DNER: variants seen among roughly 807,000 people sequenced by gnomAD.
The protein encoded by DNER is delta/notch like EGF repeat containing.
Under a neutral mutation model 78.2 loss-of-function variants are expected in DNER, and 33 were observed. That is an observed-to-expected ratio of 0.42 (90% CI 0.32 to 0.56). DNER has a LOEUF of 0.56. DNER is among the 20% of genes least tolerant of loss of function. The pLI, the probability that DNER is intolerant of heterozygous loss-of-function variation, is 0.11. For missense variants in DNER, 918 were observed against 975.3 expected (o/e 0.94, Z 0.78); for synonymous variants, 417 against 384.8 (o/e 1.08, Z -0.98).
chr2:229,510,256 G>A (rs1245555226), intron 6 of DNER, among the ~76,000 whole-genome samples: 1 of 152,236 alleles, frequency 6.6e-6, no homozygotes, highest in Non-Finnish European at 1.5e-5. Flanking sequence ...TGTTCAAAGA[G>A]CAATGTGAAG....
chr2:229,505,295 G>T (rs1484922497), intron 6 of DNER, among the ~76,000 whole-genome samples: 5 of 151,930 alleles, frequency 3.3e-5, no homozygotes, highest in African/African-American at 9.7e-5. Flanking sequence ...GGGGGTTCCT[G>T]CAGGGAATCG....
Position 229,366,313 on chromosome 2 carries a change from G to A in DNER, c.2102+560C>T, listed in dbSNP as rs148394083. Among the ~76,000 whole-genome samples, 387 of 152,276 alleles carry A rather than the reference G, an allele frequency of 2.5e-3. 1 individual carries two copies. Among genetic ancestry groups the A allele is most frequent in the Middle Eastern group, 6.8e-3 (2 of 294 alleles). Reference sequence around the variant, plus strand: ...AGTTAAAAGATCCGTCTAAACTACCGAGTCAGGTAACGGAGTCATTAAGAC... The same window carrying A: ...AGTTAAAAGATCCGTCTAAACTACCAAGTCAGGTAACGGAGTCATTAAGAC... On this transcript the variant is annotated intron_variant, in intron 12 of 12. Coordinates refer to ENST00000341772, the MANE Select transcript of DNER (RefSeq NM_139072.4).
intron 10 of DNER, among the ~76,000 whole-genome samples, chr2:229,391,922 A>G (rs1693024682): frequency 6.6e-6 from 1 of 152,156 alleles, no homozygotes; most frequent in African/African-American, 2.4e-5. Flanking sequence ...ACTTATGTAG[A>G]TTTACAAGCA....
intron 6 of DNER, among the ~76,000 whole-genome samples, chr2:229,491,900 A>G (rs1695407531): frequency 6.6e-6 from 1 of 151,914 alleles, no homozygotes; most frequent in Non-Finnish European, 1.5e-5. Context: ...CCATAACCTT[A>G]AGTATTCTCT....
intron 3 of DNER, 81 bp from the exon 4 acceptor site, chr2:229,586,105 T>C (rs1697490552): frequency 1.8e-5 from 26 of 1,469,692 alleles, no homozygotes; most frequent in Non-Finnish European, 2.4e-5. Flanking sequence ...TAAAAATAAA[T>C]ACAAAGATGG....
chr2:229,676,061 A>G (rs1401394817), intron 1 of DNER, among the ~76,000 whole-genome samples: 1 of 152,138 alleles, frequency 6.6e-6, no homozygotes, highest in Non-Finnish European at 1.5e-5. Context: ...ATCCTGTTAC[A>G]CTGTTCCAAG....
At chr2:229,475,622 C>A (rs943163904) in intron 7 of DNER, among the ~76,000 whole-genome samples, 1 of 152,152 alleles carries the variant, frequency 6.6e-6, no homozygotes, top group Non-Finnish European at 1.5e-5. Context: ...AAGTGCTCAG[C>A]AAATCATTAA....
At chr2:229,689,937 A>G (rs1699540499) in intron 1 of DNER, among the ~76,000 whole-genome samples, 1 of 152,214 alleles carries the variant, frequency 6.6e-6, no homozygotes, top group Non-Finnish European at 1.5e-5. Context: ...ACCACTCCAA[A>G]GTTCATTCTT....
chr2:229,615,688 G>A (rs1698145295), intron 1 of DNER, among the ~76,000 whole-genome samples: 1 of 152,072 alleles, frequency 6.6e-6, no homozygotes, highest in Non-Finnish European at 1.5e-5. Context: ...CTCTAGCCTG[G>A]GCAACAAAGC....
At chr2:229,362,214 ATCATC>A (rs1297009090) in intron 12 of DNER, among the ~76,000 whole-genome samples, 6 of 152,136 alleles carry the variant, frequency 3.9e-5, no homozygotes, top group African/African-American at 1.4e-4. Context: ...TCACTGATTG[ATCATC>A]TCATCTCATC....
intron 1 of DNER, among the ~76,000 whole-genome samples, chr2:229,666,431 A>G (rs1196126785): frequency 6.6e-6 from 1 of 152,252 alleles, no homozygotes; most frequent in Admixed American, 6.5e-5. Context: ...GGTGAGGAAG[A>G]ATGGGAATCA....
chr2:229,530,827 T>C (rs1696287110), intron 5 of DNER, among the ~76,000 whole-genome samples: 1 of 152,160 alleles, frequency 6.6e-6, no homozygotes, highest in Non-Finnish European at 1.5e-5. Context: ...TGAAAGAAAA[T>C]TGAGTATGGA....
chr2:229,692,948 G>C (rs1008987057), intron 1 of DNER, among the ~76,000 whole-genome samples: 2 of 151,774 alleles, frequency 1.3e-5, no homozygotes, highest in African/African-American at 2.4e-5. Flanking sequence ...TGTAGACAAA[G>C]GATTCCAATC....
chr2:229,362,920 G>T (rs767178596), intron 12 of DNER, among the ~76,000 whole-genome samples: 1 of 152,186 alleles, frequency 6.6e-6, no homozygotes, highest in African/African-American at 2.4e-5. Context: ...AAACAATGCC[G>T]CAGAAAGAAT....
At chr2:229,405,433 A>T (rs1693359180) in intron 10 of DNER, among the ~76,000 whole-genome samples, 2 of 152,172 alleles carry the variant, frequency 1.3e-5, no homozygotes, top group African/African-American at 2.4e-5. Context: ...ATAAGTACAC[A>T]AAGATGTAAA....
rs1017045351 is a variant in DNER at position 229,661,656 on chromosome 2, A to C, written c.276+52492T>G. 2.0e-5 allele frequency among the ~76,000 whole-genome samples: 3 copies of C among 152,334 alleles called. No homozygotes were observed. The East Asian group carries it at 5.8e-4, about 29-fold the overall frequency. On this transcript the variant is annotated intron_variant, in intron 1 of 12. Coordinates refer to ENST00000341772, the MANE Select transcript of DNER (RefSeq NM_139072.4). ...TAATCAAGGAGAGAAGCCAAATGTT[A>C]ATAAAACAAACTTGTGATTCATAAT...
At chr2:229,484,690 A>G (rs972707347) in intron 6 of DNER, among the ~76,000 whole-genome samples, 2 of 152,136 alleles carry the variant, frequency 1.3e-5, no homozygotes, top group African/African-American at 4.8e-5. Context: ...TCTAGTAGGT[A>G]GAGCCAGGGC....
At chr2:229,431,864 C>T (rs1286310235) in intron 8 of DNER, among the ~76,000 whole-genome samples, 1 of 151,808 alleles carries the variant, frequency 6.6e-6, no homozygotes, top group African/African-American at 2.4e-5. Flanking sequence ...ATGAATCTGC[C>T]AGGTTATATT....
At chr2:229,381,555 G>GTCTGAAGTCGACCTGGGAC in intron 11 of DNER, among the ~76,000 whole-genome samples, 1 of 152,250 alleles carries the variant, frequency 6.6e-6, no homozygotes, top group African/African-American at 2.4e-5. Context: ...CAGCACAGCA[G>GTCTGAAGTCGACCTGGGAC]TCTGAAGTCG....
Sources: allele counts gnomAD v4.1 joint callset (sites outside exome capture counted in the v4.1 genomes callset), GRCh38; gene constraint gnomAD v4.1.1; transcripts MANE v1.5; gene names NCBI Gene and HGNC (gene_info 2026-07-23, HGNC 2026-07-21).